The following ZNF860 variants were observed in gnomAD, a reference collection of about 807,000 sequenced individuals.
ZNF860 encodes zinc finger protein 860.
For missense variants in ZNF860, 641 were observed against 759.2 expected (o/e 0.84, Z 1.83); for synonymous variants, 206 against 248.9 (o/e 0.83, Z 1.62).
At chr3:31,982,970 T>C (rs2125511082) in intron 1 of ZNF860, among the ~76,000 whole-genome samples, 1 of 152,306 alleles carries the variant, frequency 6.6e-6, no homozygotes, top group East Asian at 1.9e-4. Context: ...AGTCATATGG[T>C]TCCACCATCT....
At chr3:31,985,919 T>G (rs1244949494) in intron 1 of ZNF860, among the ~76,000 whole-genome samples, 1 of 152,192 alleles carries the variant, frequency 6.6e-6, no homozygotes. Context: ...GAAACTGAAT[T>G]GAAGAGAGGT....
Position 31,990,342 on chromosome 3 carries a change from TGAA to T in ZNF860, c.1266_1268del (p.Glu423del). On this transcript the variant is annotated inframe_deletion, in exon 2 of 2. Coordinates refer to ENST00000360311, the MANE Select transcript of ZNF860 (RefSeq NM_001137674.3). ...TTGCAAATCATTGGAGAATCCATAA[TGAA>T]GAGAGATCTTACAAGTGTAATAAAT... 13 of 1,614,114 alleles carry T rather than the reference TGAA, an allele frequency of 8.1e-6. No homozygotes were observed. Among genetic ancestry groups the T allele is most frequent in the South Asian group, 2.2e-5 (2 of 91,078 alleles).
the ZNF860 span, among the ~76,000 whole-genome samples, chr3:32,000,643 G>A: frequency 2.0e-5 from 3 of 152,180 alleles, no homozygotes; most frequent in Admixed American, 6.5e-5. Context: ...TCCTCGTGAC[G>A]GTTGTTCCTC....
rs746989581 is a variant in ZNF860 at position 31,989,329 on chromosome 3, G to A, written c.250G>A (p.Val84Met). ...ATCAACAGCGCAAGGCAATACAGAA[G>A]TGGACACAGGGACATTAGAAAGACA... ...FSSTAQGNTE[V>M]DTGTLERHES... The change falls in exon 2 of 2, where the codon GTG becomes ATG. Residue 84 changes from valine to methionine, a missense_variant. Coordinates refer to ENST00000360311, the MANE Select transcript of ZNF860 (RefSeq NM_001137674.3). 6.8e-6 allele frequency: 11 copies of A among 1,614,120 alleles called. No homozygotes were observed. Among genetic ancestry groups the A allele is most frequent in the African/African-American group, 5.3e-5 (4 of 74,942 alleles).
chr3:31,987,542 A>G (rs1461081633), intron 1 of ZNF860, among the ~76,000 whole-genome samples: 1 of 152,240 alleles, frequency 6.6e-6, no homozygotes, highest in Non-Finnish European at 1.5e-5. Flanking sequence ...AATGTTTACT[A>G]TGCTGGTTCT....
downstream of ZNF860, among the ~76,000 whole-genome samples, chr3:31,995,398 G>A (rs971618702): frequency 1.2e-4 from 18 of 152,150 alleles, no homozygotes; most frequent in African/African-American, 4.1e-4. Context: ...AGAATTTAGC[G>A]ATATCTTCCC....
the ZNF860 span, among the ~76,000 whole-genome samples, chr3:32,002,589 G>A: frequency 1.3e-5 from 2 of 152,156 alleles, no homozygotes; most frequent in African/African-American, 4.8e-5. Flanking sequence ...TGTACCTAGG[G>A]TTTGAATCAA....
In ZNF860 at chr3:31,989,389, A is replaced by G. The variant is rs199617465; in HGVS notation, c.310A>G (p.Lys104Glu). 422 of 1,614,228 alleles carry G rather than the reference A, an allele frequency of 2.6e-4. 2 individuals are homozygous for G. The African/African-American group carries it at 4.9e-3, about 19-fold the overall frequency. The change falls in exon 2 of 2, where the codon AAA becomes GAA. Residue 104 changes from lysine (K) to glutamate (E), a missense_variant. By Grantham distance (56) the Lys-to-Glu change is moderately conservative. Transcript: ENST00000360311. ...SHHIGDFCFQKIGKDIHDFEF... is the reference protein window; with the variant it reads ...SHHIGDFCFQEIGKDIHDFEF... ...TCACATTGGAGATTTTTGCTTCCAG[A>G]AAATTGGGAAAGATATTCATGACTT...
chr3:31,988,614 CTCTCTCTT>C (rs1698977135), intron 1 of ZNF860, 38 bp from the exon 2 acceptor site: 1 of 176,852 alleles, frequency 5.7e-6, no homozygotes, highest in Non-Finnish European at 1.2e-5. Flanking sequence ...CTCGCTCTCT[CTCTCTCTT>C]TCTCTCTCCC....
chr3:31,982,761 C>T (rs1233343391), intron 1 of ZNF860, among the ~76,000 whole-genome samples: 1 of 152,152 alleles, frequency 6.6e-6, no homozygotes, highest in Non-Finnish European at 1.5e-5. Flanking sequence ...TTAGTTTTCT[C>T]ACTGCAAAAT....
chr3:32,000,679 T>C, the ZNF860 span, among the ~76,000 whole-genome samples: 1 of 152,208 alleles, frequency 6.6e-6, no homozygotes, highest in African/African-American at 2.4e-5. Flanking sequence ...ACTCCTGCAC[T>C]GCAAGGTGAT....
chr3:32,002,736 A>G, the ZNF860 span, among the ~76,000 whole-genome samples: 13 of 152,214 alleles, frequency 8.5e-5, no homozygotes, highest in Non-Finnish European at 1.6e-4. Context: ...AGAAGGCACT[A>G]CTCACTCCAA....
At chr3:31,992,672 A>G (rs891503419), downstream of ZNF860, among the ~76,000 whole-genome samples, 5 of 152,182 alleles carry the variant, frequency 3.3e-5, no homozygotes, top group African/African-American at 1.2e-4. Flanking sequence ...TCAACAAGTG[A>G]TGGAACTAGA....
chr3:32,000,358 G>A, the ZNF860 span, among the ~76,000 whole-genome samples: 1 of 152,086 alleles, frequency 6.6e-6, no homozygotes, highest in African/African-American at 2.4e-5. Flanking sequence ...ATAGTGTTTA[G>A]GATCAGACTG....
At chr3:31,999,985 T>A in the ZNF860 span, among the ~76,000 whole-genome samples, 1 of 152,144 alleles carries the variant, frequency 6.6e-6, no homozygotes, top group East Asian at 1.9e-4. Context: ...AAATATCTAG[T>A]GGTGCGGCCT....
At chr3:31,994,275 G>T (rs966955847), downstream of ZNF860, among the ~76,000 whole-genome samples, 1 of 152,334 alleles carries the variant, frequency 6.6e-6, no homozygotes, top group Non-Finnish European at 1.5e-5. Flanking sequence ...GTATTTGAAC[G>T]TGGGTGGAGT....
downstream of ZNF860, among the ~76,000 whole-genome samples, chr3:31,993,483 C>A (rs1699056681): frequency 6.6e-6 from 1 of 152,176 alleles, no homozygotes; most frequent in Non-Finnish European, 1.5e-5. Context: ...GCTGGGATTA[C>A]AGGCATGAGC....
chr3:32,005,173 T>G, the ZNF860 span, among the ~76,000 whole-genome samples: 1 of 152,174 alleles, frequency 6.6e-6, no homozygotes, highest in Non-Finnish European at 1.5e-5. Context: ...ACGCGTCATC[T>G]AGGTTTTAAG....
intron 1 of ZNF860, among the ~76,000 whole-genome samples, chr3:31,985,709 T>C (rs1020824052): frequency 2.6e-5 from 4 of 152,226 alleles, no homozygotes; most frequent in African/African-American, 9.6e-5. Flanking sequence ...CTCTCTGATA[T>C]CAACTTGGTC....
Sources: allele counts gnomAD v4.1 joint callset (sites outside exome capture counted in the v4.1 genomes callset), GRCh38; gene constraint gnomAD v4.1.1; transcripts MANE v1.5; gene names NCBI Gene and HGNC (gene_info 2026-07-23, HGNC 2026-07-21).